Variants in CYBB observed in about 807,000 individuals in gnomAD.
The protein encoded by CYBB is NADPH oxidase 2.
Under a neutral mutation model 46.5 loss-of-function variants are expected in CYBB, and 5 were observed. The observed-to-expected ratio is 0.11, with a 90% confidence interval of 0.06 to 0.23. The LOEUF (loss-of-function observed/expected upper bound fraction) is 0.23, where lower values mean the gene tolerates loss of function less well. CYBB is among the 10% of genes least tolerant of loss of function. The pLI is 1.00. For missense variants in CYBB, 307 were observed against 428.3 expected (o/e 0.72, Z 2.50); for synonymous variants, 183 against 156.7 (o/e 1.17, Z -1.26).
chrX:37,794,074 G>A (rs1275229108), intron 5 of CYBB, among the ~76,000 whole-genome samples: 1 of 111,581 alleles, frequency 9.0e-6, no homozygotes, highest in Non-Finnish European at 1.9e-5. Context: ...GAGTAACTCA[G>A]GCTTACCTGT....
At chrX:37,788,342 T>C (rs1401465922) in intron 3 of CYBB, among the ~76,000 whole-genome samples, 3 of 111,885 alleles carry the variant, frequency 2.7e-5, no homozygotes, top group Admixed American at 1.9e-4. Flanking sequence ...GTGGCAAGTA[T>C]AGACATGGGG....
intron 7 of CYBB, among the ~76,000 whole-genome samples, chrX:37,799,601 G>A (rs782547634): frequency 8.9e-6 from 1 of 112,027 alleles, no homozygotes; most frequent in South Asian, 3.7e-4. Flanking sequence ...GCTGGACGGC[G>A]AGGTTCATAC....
chrX:37,793,616 T>G, intron 4 of CYBB, 49 bp from the exon 5 acceptor site: 1 of 1,187,205 alleles, frequency 8.4e-7, no homozygotes, highest in Non-Finnish European at 1.1e-6. Context: ...TTACAATAAA[T>G]TTGTTCATAC....
chrX:37,793,903 A>G, intron 5 of CYBB, 93 bp downstream of exon 5: 1 of 933,615 alleles, frequency 1.1e-6, no homozygotes, highest in Non-Finnish European at 1.5e-6. Context: ...TTGCCAAAAA[A>G]AAAAAAAGTT....
At chrX:37,806,637 G>A (rs1184873149) in intron 11 of CYBB, 104 bp downstream of exon 11, 10 of 781,132 alleles carry the variant, frequency 1.3e-5, no homozygotes, top group Non-Finnish European at 1.9e-5. Flanking sequence ...TTCTAAGTAT[G>A]TTTAGTGGAT....
At chrX:37,795,802 A>G (rs1275413365) in intron 5 of CYBB, 149 bp from the exon 6 acceptor site, 1 of 461,351 alleles carries the variant, frequency 2.2e-6, no homozygotes, top group Admixed American at 3.5e-5. Flanking sequence ...GATTATTCAA[A>G]GAGGGGGTGA....
Position 37,789,076 on chromosome X carries a change from C to T in CYBB, c.253-2899C>T, listed in dbSNP as rs182223812. Among the ~76,000 whole-genome samples, 258 of 111,277 alleles carry T rather than the reference C, an allele frequency of 2.3e-3. 1 individual carries two copies. The highest frequency in any genetic ancestry group is 3.9e-3 in the Non-Finnish European group (206 of 53,013). On this transcript the variant is annotated intron_variant, in intron 3 of 12. Coordinates refer to ENST00000378588, the MANE Select transcript of CYBB (RefSeq NM_000397.4). ...AGCACTAGAGGTCCCTGTTTCCTTGCTGGTGATCATCTAGGGTCCACTCAA... is the reference window on the plus strand; with the variant it reads ...AGCACTAGAGGTCCCTGTTTCCTTGTTGGTGATCATCTAGGGTCCACTCAA...
At chrX:37,790,892 A>G (rs183057455) in intron 3 of CYBB, among the ~76,000 whole-genome samples, 130 of 111,951 alleles carry the variant, frequency 1.2e-3, no homozygotes, top group Non-Finnish European at 2.1e-3. Flanking sequence ...AGACTATGGA[A>G]CAAAGCAACC....
At position 37,802,078 on chromosome X, in the gene CYBB, A is replaced by G. The variant is rs149512323; in HGVS notation, c.897+730A>G. ...TCTTTATCAAATAAAATTTAATTCA[A>G]TTCAACTCAGTTCAAAAAGTATTTG... On this transcript the variant is annotated intron_variant, in intron 8 of 12. Coordinates refer to ENST00000378588, the MANE Select transcript of CYBB (RefSeq NM_000397.4). 3.5e-3 allele frequency among the ~76,000 whole-genome samples: 397 copies of G among 112,053 alleles called. 2 individuals carry two copies. The highest frequency in any genetic ancestry group is 8.1e-3 in the Admixed American group (86 of 10,592).
chrX:37,807,227 T>A (rs1556472014), intron 11 of CYBB, among the ~76,000 whole-genome samples: 1 of 110,353 alleles, frequency 9.1e-6, no homozygotes, highest in African/African-American at 3.3e-5. Flanking sequence ...ATTTTCAATT[T>A]AGTGATGGTT....
Position 37,813,433 on chromosome X carries a change from T to C in CYBB, c.*2516T>C, listed in dbSNP as rs1476451766. On this transcript the variant is annotated 3_prime_UTR_variant, in exon 13 of 13. Transcript: ENST00000378588. ...TTCCTACGGGGAATTCTTAAAACTGTGCTCAACTATTAAAATGAATGAGCT... is the reference window on the plus strand; with the variant it reads ...TTCCTACGGGGAATTCTTAAAACTGCGCTCAACTATTAAAATGAATGAGCT... 9.0e-6 allele frequency: 1 copy of C among 111,348 alleles called. No individual in the cohort carries two copies. The highest frequency in any genetic ancestry group is 3.3e-5 in the African/African-American group (1 of 30,541). 9.2% of individuals were successfully genotyped at this position (111,348 alleles called of 1,213,427 possible). A position where few individuals can be genotyped will look rare whatever the true frequency, so the allele number is the denominator to read the frequency against.
At chrX:37,796,286 G>A in intron 6 of CYBB, 145 bp downstream of exon 6, 2 of 542,043 alleles carry the variant, frequency 3.7e-6, no homozygotes, top group Non-Finnish European at 6.4e-6. Flanking sequence ...AGGTCAGTTT[G>A]ATAGAAACCA....
At chrX:37,797,862 A>G (rs1929346345) in intron 6 of CYBB, among the ~76,000 whole-genome samples, 1 of 111,973 alleles carries the variant, frequency 8.9e-6, no homozygotes, top group South Asian at 3.7e-4. Context: ...TGTTTTCACC[A>G]AAACATTCTG....
At chrX:37,801,783 G>A (rs1404043545) in intron 8 of CYBB, among the ~76,000 whole-genome samples, 1 of 110,621 alleles carries the variant, frequency 9.0e-6, no homozygotes, top group Admixed American at 9.7e-5. Context: ...TCTAAGGGTA[G>A]GTCTCACTGA....
rs1275630441 is a variant in CYBB at position 37,811,945 on chromosome X, A to C, written c.*1028A>C. On this transcript the variant is annotated 3_prime_UTR_variant, in exon 13 of 13. Coordinates refer to ENST00000378588, the MANE Select transcript of CYBB (RefSeq NM_000397.4). ...TAAATGCAGACTAATTTCCTGCCCA[A>C]AGTGGTCTTCTCCAGCTAGCCCTTA... 8.9e-6 allele frequency: 1 copy of C among 111,760 alleles called. No individual in the cohort carries two copies. Among genetic ancestry groups the C allele is most frequent in the Non-Finnish European group, 1.9e-5 (1 of 53,144 alleles). 9.2% of individuals were successfully genotyped at this position (111,760 alleles called of 1,213,427 possible).
rs1238649856 is a variant in CYBB at position 37,812,969 on chromosome X, T to C, written c.*2052T>C. ...CTCAGTTATAAGGAGTCTGAGAATA[T>C]TGGCCCTTTCTAACCTATGTGCATA... is the stretch of plus-strand genomic sequence containing the variant. On this transcript the variant is annotated 3_prime_UTR_variant, in exon 13 of 13. Transcript: ENST00000378588. 8.9e-6 allele frequency: 1 copy of C among 111,930 alleles called. No individual in the cohort carries two copies. The highest frequency in any genetic ancestry group is 1.9e-5 in the Non-Finnish European group (1 of 53,186). 9.2% of individuals were successfully genotyped at this position (111,930 alleles called of 1,213,427 possible).
intron 2 of CYBB, 93 bp from the exon 3 acceptor site, chrX:37,783,397 G>T: frequency 1.7e-6 from 1 of 579,077 alleles, no homozygotes; most frequent in South Asian, 2.4e-5. Context: ...TGTCTCTGGT[G>T]TGTGGCCTCA....
intron 7 of CYBB, 33 bp from the exon 8 acceptor site, chrX:37,801,223 T>C (rs977485921): frequency 3.0e-6 from 3 of 999,804 alleles, no homozygotes; most frequent in Non-Finnish European, 4.3e-6. Context: ...TACCACTTAA[T>C]GTATCTCATT....
Position 37,803,932 on chromosome X carries a change from A to C in CYBB, c.953A>C (p.Lys318Thr), listed in dbSNP as rs782464958. 4 of 1,209,328 alleles carry C rather than the reference A, an allele frequency of 3.3e-6. No individual in the cohort carries two copies. The African/African-American group carries it at 7.0e-5, about 21-fold the overall frequency. The change falls in exon 9 of 13, where the codon AAA becomes ACA. Residue 318 changes from lysine (K) to threonine (T), a missense_variant. Lys to Thr is a moderately conservative substitution (Grantham distance 78). Around this residue, in one of 3 missense-constraint regions of CYBB, gnomAD observed 122 missense variants for 208.3 expected, o/e 0.59. Transcript: ENST00000378588. ...CTACAGATGAAGAAGAAGGGGTTCA[A>C]AATGGAAGTGGGACAATACATTTTT... ...IELQMKKKGFKMEVGQYIFVK... is the reference protein window; with the variant it reads ...IELQMKKKGFTMEVGQYIFVK...
Sources: gnomAD v4.1 joint callset for allele counts (sites outside exome capture counted in the v4.1 genomes callset) on GRCh38, gnomAD v4.1.1 for gene constraint, gnomAD v4.1.1 regional missense constraint, MANE v1.5 for transcripts, NCBI Gene and HGNC (gene_info 2026-07-23, HGNC 2026-07-21) for gene names.